Variants in SMTNL1 observed in about 807,000 individuals in gnomAD.
The protein encoded by SMTNL1 is smoothelin-like protein 1.
In SMTNL1, 41 loss-of-function variants were observed where a neutral mutation model predicts 46.6. The observed-to-expected ratio is 0.88, with a 90% CI of 0.69 to 1.14. SMTNL1 has a LOEUF of 1.14. SMTNL1 is among the 50% of genes most tolerant of loss of function. The pLI is 0.00. For synonymous variants in SMTNL1, 234 were observed against 234.2 expected (o/e 1.00, Z 0.01); for missense variants, 591 against 626.1 (o/e 0.94, Z 0.60).
Position 57,543,720 on chromosome 11 carries a change from G to A in SMTNL1, c.829G>A (p.Glu277Lys). 1.3e-6 allele frequency: 2 copies of A among 1,571,082 alleles called. No homozygotes were observed. The highest frequency in any genetic ancestry group is 1.7e-6 in the Non-Finnish European group (2 of 1,158,228). Residue 277 changes from glutamate (E) to lysine (K), a missense_variant, in exon 3 of 8, where the codon GAG (glutamate) becomes AAG (lysine). Coordinates refer to ENST00000527972, the MANE Select transcript of SMTNL1 (RefSeq NM_001105565.3). ...TCCCAGCTCCCCAGAGGAGTGGCCTGAGAGCCCCACTGGGGAGGGGCACAA... is the reference window on the plus strand; with the variant it reads ...TCCCAGCTCCCCAGAGGAGTGGCCTAAGAGCCCCACTGGGGAGGGGCACAA... ...VIPSSPEEWPESPTGEGHNLS... is the reference protein window; with the variant it reads ...VIPSSPEEWPKSPTGEGHNLS...
intron 1 of SMTNL1, among the ~76,000 whole-genome samples, chr11:57,539,563 G>A (rs1382553045): frequency 1.3e-5 from 2 of 152,218 alleles, no homozygotes; most frequent in Admixed American, 6.5e-5. Context: ...GCTGATGGGT[G>A]CTGAGTACTC....
intron 1 of SMTNL1, among the ~76,000 whole-genome samples, chr11:57,540,750 G>T (rs1303440526): frequency 1.3e-5 from 2 of 148,234 alleles, no homozygotes; most frequent in East Asian, 2.0e-4. Context: ...TCGCTTTGTT[G>T]CCCAGGCTGG....
intron 7 of SMTNL1, 22 bp from the exon 8 acceptor site, chr11:57,549,946 C>G: frequency 3.7e-6 from 6 of 1,613,162 alleles, no homozygotes; most frequent in Non-Finnish European, 5.1e-6. Context: ...CCTTCTGCTC[C>G]TCATTCCACC....
intron 1 of SMTNL1, chr11:57,541,627 TG>T: frequency 2.2e-6 from 3 of 1,334,274 alleles, no homozygotes; most frequent in South Asian, 1.2e-5. Flanking sequence ...AACCACAGGC[TG>T]GTAGAGCTGG....
chr11:57,541,450 A>G, intron 1 of SMTNL1: 1 of 1,356,422 alleles, frequency 7.4e-7, no homozygotes, highest in Non-Finnish European at 9.8e-7. Flanking sequence ...TAGATCCTCC[A>G]GTATATACAG....
intron 6 of SMTNL1, 27 bp downstream of exon 6, chr11:57,546,374 T>G: frequency 8.9e-7 from 1 of 1,127,764 alleles, no homozygotes. Flanking sequence ...GCTGCGTGGG[T>G]GGGGCAGGGG....
intron 1 of SMTNL1, among the ~76,000 whole-genome samples, chr11:57,540,960 C>A (rs11608170): frequency 6.6e-6 from 1 of 152,066 alleles, no homozygotes; most frequent in Non-Finnish European, 1.5e-5. Flanking sequence ...CTGCCCGCTA[C>A]GGGCTCCCAA....
intron 1 of SMTNL1, chr11:57,541,611 T>C (rs1944878658): frequency 7.4e-7 from 1 of 1,351,802 alleles, no homozygotes; most frequent in African/African-American, 1.5e-5. Flanking sequence ...GCCCACCTTT[T>C]CCAAAAACCA....
chr11:57,546,438 G>T, intron 6 of SMTNL1, 63 bp from the exon 7 acceptor site: 1 of 1,602,516 alleles, frequency 6.2e-7, no homozygotes, highest in Non-Finnish European at 8.5e-7. Context: ...GTGGGAAGGG[G>T]GCCAAGTCCA....
intron 7 of SMTNL1, among the ~76,000 whole-genome samples, chr11:57,547,146 A>C (rs1451996243): frequency 6.6e-6 from 1 of 152,198 alleles, no homozygotes; most frequent in East Asian, 1.9e-4. Flanking sequence ...AAAAAAAATT[A>C]CAATTTTAAA....
intron 4 of SMTNL1, 130 bp from the exon 5 acceptor site, chr11:57,545,751 G>A: frequency 1.1e-6 from 1 of 884,450 alleles, no homozygotes; most frequent in South Asian, 1.8e-5. Context: ...TGTCCTCCCA[G>A]TGCTGGGCAC....
chr11:57,543,602 A>G, intron 2 of SMTNL1, 22 bp from the exon 3 acceptor site: 1 of 1,603,382 alleles, frequency 6.2e-7, no homozygotes, highest in Non-Finnish European at 8.5e-7. Context: ...CCATGAGCTC[A>G]CGCAGATCAT....
intron 3 of SMTNL1, 47 bp from the exon 4 acceptor site, chr11:57,543,822 T>C (rs764155301): frequency 2.2e-5 from 35 of 1,565,570 alleles, no homozygotes; most frequent in Non-Finnish European, 3.0e-5. Flanking sequence ...GCAAGAAGCA[T>C]GCCATGGATA....
At chr11:57,541,478 C>A in intron 1 of SMTNL1, 1 of 1,366,430 alleles carries the variant, frequency 7.3e-7, no homozygotes, top group South Asian at 1.1e-5. Context: ...ATAGGAAACT[C>A]CGAGTTAAGA....
chr11:57,541,516 G>A (rs1197257659), intron 1 of SMTNL1: 2 of 1,367,254 alleles, frequency 1.5e-6, no homozygotes, highest in South Asian at 1.1e-5. Flanking sequence ...ATGCTCCCGG[G>A]GGCAGTTGGA....
Position 57,543,257 on chromosome 11 carries a change from T to C in SMTNL1, c.615T>C (p.Ala205=). 6.2e-7 allele frequency: 1 copy of C among 1,613,740 alleles called. No homozygotes were observed. The highest frequency in any genetic ancestry group is 8.5e-7 in the Non-Finnish European group (1 of 1,179,856). The change falls in exon 2 of 8, where the codon GCT becomes GCC. Residue 205 remains alanine (A), a synonymous_variant. Transcript: ENST00000527972. The part of the protein sequence containing the change: ...DEEAKAESQK[A]VVEDEAKAEP... ...AGGCCAAGGCTGAATCGCAGAAGGC[T>C]GTTGTGGAGGATGAGGCTAAGGCTG... is the stretch of plus-strand genomic sequence containing the variant.
chr11:57,540,938 T>C (rs968788674), intron 1 of SMTNL1, among the ~76,000 whole-genome samples: 1 of 152,216 alleles, frequency 6.6e-6, no homozygotes, highest in South Asian at 2.1e-4. Context: ...CTTGAACTCC[T>C]GACCTTGTGA....
intron 1 of SMTNL1, chr11:57,541,413 C>G (rs1164936940): frequency 3.0e-5 from 36 of 1,215,800 alleles, no homozygotes; most frequent in Non-Finnish European, 3.8e-5. Flanking sequence ...AAGGAGCTAA[C>G]CCGGGGCCCC....
At chr11:57,540,715 C>CTTTTTT (rs370179940) in intron 1 of SMTNL1, among the ~76,000 whole-genome samples, 2,696 of 144,908 alleles carry the variant, frequency 0.019, 43 homozygotes, top group Non-Finnish European at 0.031. Flanking sequence ...CATCTTCCCT[C>CTTTTTT]TTTTTTTTTT....
Sources: allele counts gnomAD v4.1 joint callset (sites outside exome capture counted in the v4.1 genomes callset), GRCh38; gene constraint gnomAD v4.1.1; transcripts MANE v1.5; gene names NCBI Gene and HGNC (gene_info 2026-07-23, HGNC 2026-07-21).